Variants in NCKAP5 observed in about 807,000 individuals in gnomAD.
NCKAP5 encodes nck-associated protein 5.
NCKAP5 carries 92 observed loss-of-function variants against 167.0 expected under a neutral mutation model. The observed-to-expected ratio is 0.55, with a 90% CI of 0.47 to 0.66. The LOEUF (loss-of-function observed/expected upper bound fraction) is 0.66, where lower values mean the gene tolerates loss of function less well. Among genes scored for constraint, NCKAP5 ranks in the 30% least tolerant of loss-of-function variants. NCKAP5 has a pLI of 0.00. For missense variants in NCKAP5, 2,378 were observed against 2,315.0 expected (o/e 1.03, Z -0.56); for synonymous variants, 891 against 877.4 (o/e 1.02, Z -0.27).
At chr2:133,539,625 G>GA (rs376871714) in intron 2 of NCKAP5, among the ~76,000 whole-genome samples, 4 of 151,818 alleles carry the variant, frequency 2.6e-5, no homozygotes, top group African/African-American at 4.8e-5. Context: ...TAAATCTACA[G>GA]AAAAAAACTA....
the NCKAP5 span, among the ~76,000 whole-genome samples, chr2:133,642,906 A>C: frequency 6.6e-6 from 1 of 152,246 alleles, no homozygotes; most frequent in Admixed American, 6.5e-5. Flanking sequence ...CATTTCTGGC[A>C]GAGGAAATAG....
At chr2:133,393,825 T>G (rs764223410) in intron 3 of NCKAP5, among the ~76,000 whole-genome samples, 12 of 152,168 alleles carry the variant, frequency 7.9e-5, no homozygotes, top group Non-Finnish European at 1.5e-5. Flanking sequence ...CCATATGTAT[T>G]AGGAAGGAAA....
chr2:132,988,054 C>T (rs1176639755), intron 7 of NCKAP5, among the ~76,000 whole-genome samples: 4 of 152,242 alleles, frequency 2.6e-5, no homozygotes, highest in African/African-American at 9.6e-5. Flanking sequence ...GATAAGTGGT[C>T]TATGCTATAC....
At chr2:133,366,528 T>C (rs1404821802) in intron 3 of NCKAP5, among the ~76,000 whole-genome samples, 3 of 152,130 alleles carry the variant, frequency 2.0e-5, no homozygotes, top group Admixed American at 2.0e-4. Flanking sequence ...TCTTGAACTC[T>C]TGACCTCAAG....
intron 11 of NCKAP5, among the ~76,000 whole-genome samples, chr2:132,829,353 C>T (rs1052457591): frequency 2.0e-5 from 3 of 152,032 alleles, no homozygotes; most frequent in Non-Finnish European, 4.4e-5. Context: ...TGAGATGATT[C>T]CTAAAAAGCC....
At chr2:132,802,216 C>A (rs985711134) in intron 11 of NCKAP5, among the ~76,000 whole-genome samples, 13 of 152,314 alleles carry the variant, frequency 8.5e-5, no homozygotes, top group African/African-American at 2.4e-4. Flanking sequence ...AGCCCACTGT[C>A]TCTCTGGGTT....
intron 5 of NCKAP5, among the ~76,000 whole-genome samples, chr2:133,158,079 A>G (rs563503850): frequency 1.3e-5 from 2 of 152,362 alleles, no homozygotes; most frequent in Non-Finnish European, 2.9e-5. Flanking sequence ...GGGTAGCCAG[A>G]GAGAGCAGTA....
intron 5 of NCKAP5, among the ~76,000 whole-genome samples, chr2:133,211,775 A>G (rs1249467560): frequency 1.3e-5 from 2 of 152,244 alleles, no homozygotes; most frequent in African/African-American, 4.8e-5. Context: ...TAAAATTAGA[A>G]TAATGAAACA....
At chr2:132,881,133 C>T (rs1459275342) in intron 8 of NCKAP5, among the ~76,000 whole-genome samples, 1 of 152,170 alleles carries the variant, frequency 6.6e-6, no homozygotes, top group Admixed American at 6.5e-5. Context: ...ACTGTCATTG[C>T]CATTCATCAG....
intron 3 of NCKAP5, among the ~76,000 whole-genome samples, chr2:133,411,585 TA>T (rs1688778039): frequency 6.6e-6 from 1 of 151,664 alleles, no homozygotes; most frequent in African/African-American, 2.4e-5. Context: ...GATTTCAGAG[TA>T]AAATTGGGAA....
chr2:133,427,158 A>T (rs191661214), intron 3 of NCKAP5, among the ~76,000 whole-genome samples: 2 of 152,364 alleles, frequency 1.3e-5, no homozygotes, highest in African/African-American at 4.8e-5. Context: ...GAAAAGACAA[A>T]TAAAACAGGT....
At chr2:133,606,650 A>G in the NCKAP5 span, among the ~76,000 whole-genome samples, 1 of 150,256 alleles carries the variant, frequency 6.7e-6, no homozygotes, top group African/African-American at 2.5e-5. Context: ...CTACACCTCC[A>G]AAATTTTGCC....
At chr2:133,289,723 AAAC>A (rs759796115) in intron 4 of NCKAP5, among the ~76,000 whole-genome samples, 12 of 98,614 alleles carry the variant, frequency 1.2e-4, no homozygotes, top group Non-Finnish European at 2.3e-4. Context: ...ACAAACAAAC[AAAC>A]AAAAAAAAAC....
At chr2:133,439,370 T>G (rs1399135386) in intron 3 of NCKAP5, among the ~76,000 whole-genome samples, 1 of 152,218 alleles carries the variant, frequency 6.6e-6, no homozygotes, top group Admixed American at 6.5e-5. Context: ...GATATATTGC[T>G]CTTTTCAGAA....
intron 8 of NCKAP5, among the ~76,000 whole-genome samples, chr2:132,883,074 T>C (rs1691898827): frequency 1.3e-5 from 2 of 151,938 alleles, no homozygotes; most frequent in Admixed American, 1.3e-4. Flanking sequence ...TGGTGGTGCA[T>C]GCATAGAGTC....
Position 133,564,898 on chromosome 2 carries a change from G to T in NCKAP5, c.-130+3318C>A, listed in dbSNP as rs116782824. 7.6e-3 allele frequency among the ~76,000 whole-genome samples: 1,161 copies of T among 152,264 alleles called. 12 individuals are homozygous for T. Among genetic ancestry groups the T allele is most frequent in the African/African-American group, 0.026 (1,094 of 41,534 alleles). On this transcript the variant is annotated intron_variant, in intron 1 of 19. Transcript: ENST00000409261. ...TCTACTCAACAAGTAATTCCCTAAGGGCAGTGTCATGCATGGTGCTAAGTT... is the reference window on the plus strand; with the variant it reads ...TCTACTCAACAAGTAATTCCCTAAGTGCAGTGTCATGCATGGTGCTAAGTT...
At chr2:133,457,337 C>T (rs908621721) in intron 3 of NCKAP5, among the ~76,000 whole-genome samples, 3 of 152,028 alleles carry the variant, frequency 2.0e-5, no homozygotes, top group African/African-American at 4.8e-5. Context: ...AAAATATGAC[C>T]TCAAAGAGTC....
chr2:132,787,872 A>G (rs1683717527), intron 13 of NCKAP5, among the ~76,000 whole-genome samples: 1 of 152,152 alleles, frequency 6.6e-6, no homozygotes, highest in Non-Finnish European at 1.5e-5. Context: ...AAAGTACCCC[A>G]CAAGAGCTTG....
At chr2:133,571,352 CAA>C (rs1688860183), upstream of NCKAP5, among the ~76,000 whole-genome samples, 1 of 151,282 alleles carries the variant, frequency 6.6e-6, no homozygotes, top group African/African-American at 2.4e-5. Context: ...AGCATAAAAA[CAA>C]AAGAGGGTGG....
Sources: gnomAD v4.1 joint callset for allele counts (sites outside exome capture counted in the v4.1 genomes callset) on GRCh38, gnomAD v4.1.1 for gene constraint, MANE v1.5 for transcripts, NCBI Gene and HGNC (gene_info 2026-07-23, HGNC 2026-07-21) for gene names.